Variants in PAPPA2 observed in about 807,000 individuals in gnomAD.
PAPPA2 encodes pappalysin-2.
PAPPA2 carries 86 observed loss-of-function variants against 176.4 expected under a neutral mutation model. The observed-to-expected ratio is 0.49, with a 90% confidence interval of 0.41 to 0.58. The LOEUF is 0.58. Among genes scored for constraint, PAPPA2 ranks in the 20% least tolerant of loss-of-function variants. The probability of loss-of-function intolerance (pLI) is 0.00; values close to 1 mark genes in which losing one functional copy is unlikely to be tolerated. For missense variants in PAPPA2, 2,073 were observed against 2,256.9 expected, an observed-to-expected ratio of 0.92 and a Z score of 1.65; for synonymous variants, 809 against 852.2, an observed-to-expected ratio of 0.95 and a Z score of 0.88.
At chr1:176,517,107 T>TC in intron 1 of PAPPA2, among the ~76,000 whole-genome samples, 1 of 152,272 alleles carries the variant, frequency 6.6e-6, no homozygotes, top group Admixed American at 6.5e-5. Context: ...TCCTTGACCT[T>TC]CCGCAAAAAC....
At chr1:176,655,220 C>T in intron 3 of PAPPA2, among the ~76,000 whole-genome samples, 1 of 151,800 alleles carries the variant, frequency 6.6e-6, no homozygotes, top group African/African-American at 2.4e-5. Context: ...TCATATATGA[C>T]TTTTTTATTT....
At chr1:176,668,107 C>T (rs1345227439) in intron 3 of PAPPA2, among the ~76,000 whole-genome samples, 1 of 152,146 alleles carries the variant, frequency 6.6e-6, no homozygotes, top group Admixed American at 6.5e-5. Context: ...GATGTGTACT[C>T]TCCACGGGGC....
At chr1:176,553,251 C>A (rs1651069868) in intron 1 of PAPPA2, among the ~76,000 whole-genome samples, 1 of 94,414 alleles carries the variant, frequency 1.1e-5, no homozygotes, top group African/African-American at 4.4e-5. Flanking sequence ...GTGGGTAAGG[C>A]AGGGAGGGGG....
At chr1:176,786,604 T>G (rs1664943724) in intron 17 of PAPPA2, among the ~76,000 whole-genome samples, 1 of 152,224 alleles carries the variant, frequency 6.6e-6, no homozygotes, top group African/African-American at 2.4e-5. Flanking sequence ...ACAGGTCATC[T>G]GAGTGCTCAG....
At chr1:176,495,216 A>G (rs544215305) in intron 1 of PAPPA2, among the ~76,000 whole-genome samples, 2 of 152,186 alleles carry the variant, frequency 1.3e-5, no homozygotes, top group Non-Finnish European at 2.9e-5. Context: ...ATCACACCCT[A>G]TCAGGTAGGT....
chr1:176,777,807 C>T (rs1466981577), intron 17 of PAPPA2, among the ~76,000 whole-genome samples: 1 of 152,028 alleles, frequency 6.6e-6, no homozygotes, highest in Non-Finnish European at 1.5e-5. Flanking sequence ...TTCATCAACA[C>T]TGCTGCTGTT....
chr1:176,753,315 C>T (rs1177443633), intron 14 of PAPPA2, among the ~76,000 whole-genome samples: 3 of 152,156 alleles, frequency 2.0e-5, no homozygotes, highest in Non-Finnish European at 4.4e-5. Context: ...TATTTCATCT[C>T]TATTATCTGT....
chr1:176,496,078 A>T (rs1460402897), intron 1 of PAPPA2, among the ~76,000 whole-genome samples: 3 of 152,190 alleles, frequency 2.0e-5, no homozygotes, highest in Non-Finnish European at 4.4e-5. Flanking sequence ...TAGGAGGATT[A>T]TTACAACTTT....
chr1:176,838,307 A>G (rs1667352831), intron 21 of PAPPA2, among the ~76,000 whole-genome samples: 1 of 152,234 alleles, frequency 6.6e-6, no homozygotes, highest in African/African-American at 2.4e-5. Flanking sequence ...ATATCTTTAG[A>G]TATACCTTTA....
chr1:176,812,405 A>G (rs1434732008), intron 21 of PAPPA2, among the ~76,000 whole-genome samples: 2 of 152,118 alleles, frequency 1.3e-5, no homozygotes, highest in Non-Finnish European at 2.9e-5. Context: ...GCAGCATGCA[A>G]AATTATGTCT....
chr1:176,625,807 G>A (rs1328179304), intron 3 of PAPPA2, among the ~76,000 whole-genome samples: 4 of 152,174 alleles, frequency 2.6e-5, no homozygotes, highest in Non-Finnish European at 2.9e-5. Flanking sequence ...GATCACTTGA[G>A]GCCAGGAGTT....
intron 3 of PAPPA2, among the ~76,000 whole-genome samples, chr1:176,628,801 T>C (rs1367373313): frequency 6.6e-6 from 1 of 152,238 alleles, no homozygotes; most frequent in African/African-American, 2.4e-5. Flanking sequence ...GAATAAGGAT[T>C]TGCAGTCTTC....
Position 176,802,051 on chromosome 1 carries a change from G to A in PAPPA2, c.5202+1919G>A, listed in dbSNP as rs537777842. Among the ~76,000 whole-genome samples the A allele has an allele frequency of 2.0e-5, 3 of 152,228 alleles. No homozygotes were observed. In the East Asian group the frequency reaches 5.8e-4, roughly 29 times the overall value. ...TCCAGTGGTTCTCAGCATCACCTGGGAGCCTACTGGAAATGCACATTCTCA... is the reference window on the plus strand; with the variant it reads ...TCCAGTGGTTCTCAGCATCACCTGGAAGCCTACTGGAAATGCACATTCTCA... On this transcript the variant is annotated intron_variant, in intron 21 of 22. Coordinates refer to ENST00000367662, the MANE Select transcript of PAPPA2 (RefSeq NM_020318.3).
chr1:176,464,947 T>G (rs1297016795), intron 1 of PAPPA2, among the ~76,000 whole-genome samples: 1 of 152,210 alleles, frequency 6.6e-6, no homozygotes, highest in African/African-American at 2.4e-5. Context: ...GGATAGGTGT[T>G]TTCACTTTGA....
At chr1:176,526,637 A>G (rs1033166818) in intron 1 of PAPPA2, among the ~76,000 whole-genome samples, 2 of 152,238 alleles carry the variant, frequency 1.3e-5, no homozygotes, top group African/African-American at 4.8e-5. Flanking sequence ...GATTTGCTAC[A>G]GCAGAGAGCT....
intron 21 of PAPPA2, among the ~76,000 whole-genome samples, chr1:176,828,332 C>T (rs73050113): frequency 0.086 from 13,008 of 152,072 alleles, 606 homozygotes; most frequent in African/African-American, 0.11. Flanking sequence ...CTATATAAAA[C>T]AAAAATAGCA....
chr1:176,487,011 G>A (rs1652674925), intron 1 of PAPPA2, among the ~76,000 whole-genome samples: 1 of 152,006 alleles, frequency 6.6e-6, no homozygotes, highest in Admixed American at 6.6e-5. Context: ...TAAGAACCAG[G>A]AAAACATGGC....
intron 21 of PAPPA2, among the ~76,000 whole-genome samples, chr1:176,830,190 C>G (rs916946181): frequency 1.3e-5 from 2 of 152,156 alleles, no homozygotes; most frequent in African/African-American, 4.8e-5. Flanking sequence ...ACAACATAGC[C>G]AGACCCCATC....
At chr1:176,658,381 A>G (rs900989968) in intron 3 of PAPPA2, among the ~76,000 whole-genome samples, 2 of 152,042 alleles carry the variant, frequency 1.3e-5, no homozygotes, top group African/African-American at 4.8e-5. Flanking sequence ...ATATTATACT[A>G]TTGTGGTTGA....
Sources: gnomAD v4.1 joint callset for allele counts (sites outside exome capture counted in the v4.1 genomes callset) on GRCh38, gnomAD v4.1.1 for gene constraint, MANE v1.5 for transcripts, NCBI Gene and HGNC (gene_info 2026-07-23, HGNC 2026-07-21) for gene names.